IL17RB: variants seen among roughly 807,000 people sequenced by gnomAD.
IL17RB encodes interleukin-17 receptor B.
Under a neutral mutation model 43.9 loss-of-function variants are expected in IL17RB, and 36 were observed. That is an observed-to-expected ratio of 0.82 (90% CI 0.63 to 1.08). The LOEUF is 1.08. IL17RB is among the 50% of genes least tolerant of loss of function. The probability of loss-of-function intolerance (pLI) is 0.00; values close to 1 mark genes in which losing one functional copy is unlikely to be tolerated. For synonymous variants in IL17RB, 225 were observed against 225.4 expected (o/e 1.00, Z 0.02); for missense variants, 613 against 613.6 (o/e 1.00, Z 0.01).
chr3:53,850,596 G>T (rs961757277), intron 3 of IL17RB, among the ~76,000 whole-genome samples: 1 of 151,890 alleles, frequency 6.6e-6, no homozygotes, highest in African/African-American at 2.4e-5. Flanking sequence ...TTGAGGTCAG[G>T]AGTTCAAGAC....
Position 53,846,663 on chromosome 3 carries a change from G to A in IL17RB, c.60+15G>A. On this transcript the variant is annotated intron_variant, in intron 1 of 10. Transcript: ENST00000288167. ...CCCGAGAGCCGGTAAGCCCCCGCCA[G>A]CACCTCTTCCCTCATCTCCCGGCCC... 1 of 1,586,434 alleles carries A rather than the reference G, an allele frequency of 6.3e-7. No homozygotes were observed. The highest frequency in any genetic ancestry group is 1.4e-5 in the African/African-American group (1 of 73,566).
rs906611093 is a variant in IL17RB at position 53,865,520 on chromosome 3, C to T, written c.*212C>T. 3.9e-6 allele frequency: 2 copies of T among 515,484 alleles called. No homozygotes were observed. Among genetic ancestry groups the T allele is most frequent in the East Asian group, 3.1e-5 (1 of 32,534 alleles). 31.9% of individuals were successfully genotyped at this position (515,484 alleles called of 1,614,324 possible). On this transcript the variant is annotated 3_prime_UTR_variant, in exon 11 of 11. Transcript: ENST00000288167. The stretch of plus-strand genomic sequence containing the variant: ...TTTACAACTTCAAAGCTGTTTTATA[C>T]ATAGAAATCAATTACAGTTTTAATT...
At chr3:53,858,486 G>T in intron 8 of IL17RB, 1 of 1,375,416 alleles carries the variant, frequency 7.3e-7, no homozygotes, top group South Asian at 1.6e-5. Flanking sequence ...TGTTAGTAAC[G>T]TGTACAAAGT....
chr3:53,860,274 T>C (rs1699513772), intron 10 of IL17RB, 46 bp downstream of exon 10: 2 of 1,490,056 alleles, frequency 1.3e-6, no homozygotes, highest in Non-Finnish European at 9.2e-7. Flanking sequence ...GGAAATAACA[T>C]TTTGAATTTT....
chr3:53,858,453 C>T (rs1343357644), intron 8 of IL17RB: 4 of 1,278,170 alleles, frequency 3.1e-6, no homozygotes, highest in Non-Finnish European at 3.0e-6. Flanking sequence ...ATGACCTAGC[C>T]CTTTTAGGTA....
intron 10 of IL17RB, among the ~76,000 whole-genome samples, chr3:53,863,820 TA>T (rs1354193538): frequency 5.7e-5 from 5 of 87,406 alleles, no homozygotes; most frequent in Non-Finnish European, 1.1e-4. Flanking sequence ...CACCTCAAAG[TA>T]TTTTTTTTTT....
At position 53,852,052 on chromosome 3, in the gene IL17RB, T is replaced by C; in HGVS notation, c.280T>C (p.Phe94Leu). 6 of 1,614,192 alleles carry C rather than the reference T, an allele frequency of 3.7e-6. No individual in the cohort carries two copies. Among genetic ancestry groups the C allele is most frequent in the Non-Finnish European group, 5.1e-6 (6 of 1,180,036 alleles). ...TKICVTGKSN[F>L]QSYSCVRCNY... ...GATTTGTGTGACGGGCAAAAGCAAC[T>C]TCCAGTCCTACAGCTGTGTGAGGTG... The change falls in exon 4 of 11, where the codon TTC (phenylalanine) becomes CTC (leucine). Residue 94 changes from phenylalanine (F) to leucine (L), a missense_variant. Phe to Leu is a conservative substitution (Grantham distance 22). Coordinates refer to ENST00000288167, the MANE Select transcript of IL17RB (RefSeq NM_018725.4).
chr3:53,856,993 T>C lies in IL17RB; in HGVS notation c.672+7T>C, dbSNP rs553672637. 6.2e-7 allele frequency: 1 copy of C among 1,613,596 alleles called. No individual in the cohort carries two copies. Among genetic ancestry groups the C allele is most frequent in the South Asian group, 1.1e-5 (1 of 91,060 alleles). On this transcript the variant is annotated splice_region_variant and intron_variant, in intron 7 of 10. Coordinates refer to ENST00000288167, the MANE Select transcript of IL17RB (RefSeq NM_018725.4). ...GTTTTCTCAGGTGTTTGAGGTACTT[T>C]TTCTCTTCGTCCCCTTCACCTCGTC...
At chr3:53,863,463 A>C (rs1699643765) in intron 10 of IL17RB, among the ~76,000 whole-genome samples, 1 of 152,212 alleles carries the variant, frequency 6.6e-6, no homozygotes, top group Admixed American at 6.5e-5. Context: ...GTCATTTGTG[A>C]TGTTGTAAAT....
intron 4 of IL17RB, 105 bp from the exon 5 acceptor site, chr3:53,852,764 TCA>T: frequency 9.3e-7 from 1 of 1,069,888 alleles, no homozygotes; most frequent in South Asian, 1.6e-5. Flanking sequence ...ACCTAAGTTT[TCA>T]CAGAGTGAGT....
rs137987997 is a variant in IL17RB at position 53,855,683 on chromosome 3, C to G, written c.529+342C>G. Among the ~76,000 whole-genome samples the G allele has an allele frequency of 2.5e-3, 376 of 152,304 alleles. 4 individuals are homozygous for G. Among genetic ancestry groups the G allele is most frequent in the African/African-American group, 8.6e-3 (358 of 41,560 alleles). ...CTCTTCCTGATTGATGGGAGTCCTA[C>G]GAGCCCTTCCACCTGCTCAGATGCT... On this transcript the variant is annotated intron_variant, in intron 6 of 10. Transcript: ENST00000288167.
At position 53,854,914 on chromosome 3, in the gene IL17RB, G is replaced by A. The variant is rs118075526; in HGVS notation, c.482-380G>A. Among the ~76,000 whole-genome samples, 744 of 152,210 alleles carry A rather than the reference G, an allele frequency of 4.9e-3. 16 individuals carry two copies. The highest frequency in any genetic ancestry group is 0.038 in the Admixed American group (574 of 15,282). ...ATTTAAATTAGACTCTGGTTATCAC[G>A]TAATGGGCAGATGTTCTCTGTTTAG... is the stretch of plus-strand genomic sequence containing the variant. On this transcript the variant is annotated intron_variant, in intron 5 of 10. Transcript: ENST00000288167.
chr3:53,852,756 C>A (rs918627834), intron 4 of IL17RB, 115 bp from the exon 5 acceptor site: 6 of 950,904 alleles, frequency 6.3e-6, no homozygotes, highest in Middle Eastern at 2.3e-4. Flanking sequence ...GGTTGGAGAC[C>A]TAAGTTTTCA....
At chr3:53,852,205 G>C (rs1247559438) in intron 4 of IL17RB, 79 bp downstream of exon 4, 17 of 1,305,820 alleles carry the variant, frequency 1.3e-5, no homozygotes, top group Non-Finnish European at 1.7e-5. Context: ...GCAGTGGTGC[G>C]ATCATGGCTC....
At chr3:53,847,357 G>T (rs1201090091) in intron 1 of IL17RB, among the ~76,000 whole-genome samples, 2 of 152,032 alleles carry the variant, frequency 1.3e-5, no homozygotes, top group Admixed American at 6.6e-5. Context: ...CTAAAGGGAA[G>T]AATTCATCCC....
Position 53,846,647 on chromosome 3 carries a change from C to G in IL17RB, c.59C>G (p.Pro20Arg). The change falls in exon 1 of 11, where the codon CCG (proline) becomes CGG (arginine). Residue 20 changes from proline to arginine, a missense_variant and splice_region_variant. Physicochemically the swap from Pro to Arg is moderately radical, Grantham distance 103 (BLOSUM62 -2). Coordinates refer to ENST00000288167, the MANE Select transcript of IL17RB (RefSeq NM_018725.4). ...ALCRSAVPRE[P>R]TVQCGSETGP... ...TGCAGGAGCGCCGTACCCCGAGAGC[C>G]GGTAAGCCCCCGCCAGCACCTCTTC... is the stretch of plus-strand genomic sequence containing the variant. 7 of 1,590,588 alleles carry G rather than the reference C, an allele frequency of 4.4e-6. No homozygotes were observed. Among genetic ancestry groups the G allele is most frequent in the Non-Finnish European group, 6.0e-6 (7 of 1,171,558 alleles).
chr3:53,858,712 T>C lies in IL17RB; in HGVS notation c.748-7T>C. On this transcript the variant is annotated splice_polypyrimidine_tract_variant and splice_region_variant and intron_variant, in intron 8 of 10. Coordinates refer to ENST00000288167, the MANE Select transcript of IL17RB (RefSeq NM_018725.4). The stretch of plus-strand genomic sequence containing the variant: ...GTGAACTTTCTGAGCCTCTTGTTTT[T>C]CCTCAGCTGACTCCATATTTTCCTA... 6.2e-7 allele frequency: 1 copy of C among 1,613,876 alleles called. No individual in the cohort carries two copies. The highest frequency in any genetic ancestry group is 2.2e-5 in the East Asian group (1 of 44,884).
intron 10 of IL17RB, among the ~76,000 whole-genome samples, chr3:53,864,352 G>C (rs1282731259): frequency 1.3e-5 from 2 of 152,104 alleles, no homozygotes; most frequent in Non-Finnish European, 1.5e-5. Flanking sequence ...CTGGCTAACA[G>C]GGTGAAACCC....
At chr3:53,854,089 G>T (rs931087945) in intron 5 of IL17RB, among the ~76,000 whole-genome samples, 1 of 151,968 alleles carries the variant, frequency 6.6e-6, no homozygotes, top group Non-Finnish European at 1.5e-5. Flanking sequence ...TAGAGACGGG[G>T]TTTCACTATG....
Sources: gnomAD v4.1 joint callset for allele counts (sites outside exome capture counted in the v4.1 genomes callset) on GRCh38, gnomAD v4.1.1 for gene constraint, MANE v1.5 for transcripts, NCBI Gene and HGNC (gene_info 2026-07-23, HGNC 2026-07-21) for gene names.